Variants in GCNT2 observed in about 807,000 individuals in gnomAD.
GCNT2 encodes N-acetyllactosaminide beta-1,6-N-acetylglucosaminyl-transferase.
GCNT2 carries 34 observed loss-of-function variants against 34.2 expected under a neutral mutation model. The observed-to-expected ratio is 1.00, with a 90% CI of 0.76 to 1.32. The LOEUF (loss-of-function observed/expected upper bound fraction) is 1.32, where lower values mean the gene tolerates loss of function less well. Among genes scored for constraint, GCNT2 ranks in the 40% most tolerant of loss-of-function variants. GCNT2 has a pLI of 0.00. For missense variants in GCNT2, 584 were observed against 489.4 expected, an observed-to-expected ratio of 1.19 and a Z score of -1.82; for synonymous variants, 212 against 188.0, an observed-to-expected ratio of 1.13 and a Z score of -1.04.
At chr6:10,586,342 A>G (rs139546463) in intron 3 of GCNT2, 29 of 1,614,098 alleles carry the variant, frequency 1.8e-5, no homozygotes, top group Admixed American at 1.0e-4. Flanking sequence ...AGGGCTATCT[A>G]TATGCCCCAA....
intron 4 of GCNT2, among the ~76,000 whole-genome samples, chr6:10,626,154 A>G (rs1448746580): frequency 6.6e-6 from 1 of 152,212 alleles, no homozygotes; most frequent in Non-Finnish European, 1.5e-5. Context: ...AATAATTAAC[A>G]TAATTAAAAT....
chr6:10,533,624 C>A (rs1761603620), intron 3 of GCNT2, among the ~76,000 whole-genome samples: 1 of 151,154 alleles, frequency 6.6e-6, no homozygotes, highest in African/African-American at 2.4e-5. Flanking sequence ...CCCAACTCTA[C>A]TAAAAATACA....
intron 3 of GCNT2, among the ~76,000 whole-genome samples, chr6:10,617,295 G>A (rs1051489640): frequency 6.6e-6 from 1 of 152,308 alleles, no homozygotes; most frequent in East Asian, 1.9e-4. Flanking sequence ...CGGCGGGGCC[G>A]GCCGGCTTCT....
chr6:10,551,779 C>T (rs146427126), intron 3 of GCNT2, among the ~76,000 whole-genome samples: 2,431 of 149,214 alleles, frequency 0.016, 28 homozygotes, highest in African/African-American at 0.024. Context: ...TCTTTTGAGA[C>T]GCAGTTTCGC....
intron 3 of GCNT2, among the ~76,000 whole-genome samples, chr6:10,593,850 C>A (rs1764744565): frequency 6.6e-6 from 1 of 152,212 alleles, no homozygotes; most frequent in Non-Finnish European, 1.5e-5. Flanking sequence ...CTCCTTCCAT[C>A]CTCCTTTGTT....
chr6:10,557,236 T>C (rs546907311), intron 3 of GCNT2: 1 of 1,595,722 alleles, frequency 6.3e-7, no homozygotes, highest in East Asian at 2.2e-5. Flanking sequence ...CAAGAGAGTT[T>C]GCCAACTTTG....
At chr6:10,598,524 T>G (rs925241743) in intron 3 of GCNT2, among the ~76,000 whole-genome samples, 2 of 152,214 alleles carry the variant, frequency 1.3e-5, no homozygotes, top group Non-Finnish European at 1.5e-5. Flanking sequence ...CCACCACTAC[T>G]GCTACAATGT....
intron 3 of GCNT2, among the ~76,000 whole-genome samples, chr6:10,590,417 T>C (rs1764580030): frequency 6.7e-6 from 1 of 149,718 alleles, no homozygotes; most frequent in Non-Finnish European, 1.5e-5. Flanking sequence ...AAAAAAATGC[T>C]AGGCTTAAGC....
At position 10,626,398 on chromosome 6, in the gene GCNT2, C is replaced by G. The variant is rs1471334658; in HGVS notation, c.1019-19C>G. The G allele has an allele frequency of 2.5e-6, 4 of 1,586,780 alleles. No homozygotes were observed. The highest frequency in any genetic ancestry group is 3.5e-6 in the Non-Finnish European group (4 of 1,155,192). On this transcript the variant is annotated intron_variant, in intron 4 of 4. Coordinates refer to ENST00000495262, the MANE Select transcript of GCNT2 (RefSeq NM_145649.5). ...AAGCAAGCATGTTTTGACTCTGTTT[C>G]TTGTTCTTTCTTTTGCAGGCCACTA...
At chr6:10,578,606 C>CT (rs1318990070) in intron 3 of GCNT2, among the ~76,000 whole-genome samples, 4 of 151,654 alleles carry the variant, frequency 2.6e-5, no homozygotes, top group Admixed American at 1.3e-4. Flanking sequence ...GCCACCTCGC[C>CT]TGGCCAATTT....
chr6:10,618,107 A>G (rs1047851244), intron 3 of GCNT2, among the ~76,000 whole-genome samples: 1 of 152,140 alleles, frequency 6.6e-6, no homozygotes, highest in Non-Finnish European at 1.5e-5. Flanking sequence ...CCTACTCTTA[A>G]GAGCCACACT....
intron 3 of GCNT2, among the ~76,000 whole-genome samples, chr6:10,577,863 C>T (rs576000310): frequency 3.9e-5 from 6 of 151,932 alleles, no homozygotes; most frequent in South Asian, 2.1e-4. Flanking sequence ...TTAAAGCAAA[C>T]GCCAGGTCAT....
intron 3 of GCNT2, among the ~76,000 whole-genome samples, chr6:10,536,062 A>G (rs965107045): frequency 2.0e-5 from 3 of 152,110 alleles, no homozygotes; most frequent in East Asian, 1.9e-4. Context: ...TAAAAATGCA[A>G]TGCTGAGGTT....
intron 4 of GCNT2, among the ~76,000 whole-genome samples, chr6:10,625,728 C>CG (rs1225575276): frequency 6.6e-6 from 1 of 152,072 alleles, no homozygotes; most frequent in Admixed American, 6.6e-5. Flanking sequence ...CCCTTATCCA[C>CG]GGGGGGATAC....
At chr6:10,563,042 C>A (rs1481553102) in intron 3 of GCNT2, among the ~76,000 whole-genome samples, 4 of 152,114 alleles carry the variant, frequency 2.6e-5, no homozygotes, top group African/African-American at 9.7e-5. Flanking sequence ...GTAATCCCAG[C>A]TACTCCAGAG....
At chr6:10,609,747 C>T (rs1765471503) in intron 3 of GCNT2, among the ~76,000 whole-genome samples, 1 of 151,936 alleles carries the variant, frequency 6.6e-6, no homozygotes, top group African/African-American at 2.4e-5. Flanking sequence ...GAATCTAGCT[C>T]TTGAGGGAGG....
At chr6:10,570,001 A>G (rs1763486479) in intron 3 of GCNT2, among the ~76,000 whole-genome samples, 1 of 139,350 alleles carries the variant, frequency 7.2e-6, no homozygotes, top group South Asian at 2.2e-4. Flanking sequence ...ACAGAGTTGC[A>G]CTCTGTCACC....
chr6:10,597,665 T>C (rs763393683), intron 3 of GCNT2, among the ~76,000 whole-genome samples: 2 of 151,816 alleles, frequency 1.3e-5, no homozygotes, highest in Non-Finnish European at 2.9e-5. Context: ...TCTCACTCTG[T>C]TGCCCAGGCT....
chr6:10,549,644 T>C (rs1324829826), intron 3 of GCNT2, among the ~76,000 whole-genome samples: 1 of 142,858 alleles, frequency 7.0e-6, no homozygotes, highest in African/African-American at 2.6e-5. Context: ...CAGTCTGGGC[T>C]CACTGCAACA....
Sources: gnomAD v4.1 joint callset for allele counts (sites outside exome capture counted in the v4.1 genomes callset) on GRCh38, gnomAD v4.1.1 for gene constraint, MANE v1.5 for transcripts, NCBI Gene and HGNC (gene_info 2026-07-23, HGNC 2026-07-21) for gene names.